RHOU: variants seen among roughly 807,000 people sequenced by gnomAD.
The protein encoded by RHOU is ras homolog family member U.
In RHOU, 8 loss-of-function variants were observed where a neutral mutation model predicts 12.6. The ratio of observed to expected loss-of-function variants is 0.64; its 90% confidence interval spans 0.37 to 1.15. The LOEUF is 1.15. Ranked by LOEUF, RHOU falls within the 50% of genes most tolerant of loss-of-function variation. The probability of loss-of-function intolerance (pLI) is 0.01; values close to 1 mark genes in which losing one functional copy is unlikely to be tolerated. For synonymous variants in RHOU, 161 were observed against 147.4 expected (o/e 1.09, Z -0.67); for missense variants, 258 against 347.0 (o/e 0.74, Z 2.04).
At chr1:228,712,970 T>C in the RHOU span, among the ~76,000 whole-genome samples, 4 of 151,968 alleles carry the variant, frequency 2.6e-5, no homozygotes, top group East Asian at 5.8e-4. Flanking sequence ...ACTATATATA[T>C]ATAAAGGTAT....
chr1:228,718,363 C>G, the RHOU span, among the ~76,000 whole-genome samples: 4 of 152,102 alleles, frequency 2.6e-5, no homozygotes, highest in African/African-American at 9.7e-5. Flanking sequence ...TTATCTATTG[C>G]CACCTAAAAA....
chr1:228,660,882 G>A, the RHOU span, among the ~76,000 whole-genome samples: 4 of 146,888 alleles, frequency 2.7e-5, no homozygotes, highest in East Asian at 6.1e-4. Context: ...GCGGTGAGCT[G>A]ATATTGCACC....
At chr1:228,665,572 A>T in the RHOU span, among the ~76,000 whole-genome samples, 1 of 152,160 alleles carries the variant, frequency 6.6e-6, no homozygotes, top group South Asian at 2.1e-4. Context: ...CTTTGAGTGG[A>T]GTGGGGACAG....
At chr1:228,701,559 A>G in the RHOU span, among the ~76,000 whole-genome samples, 1 of 152,122 alleles carries the variant, frequency 6.6e-6, no homozygotes, top group Non-Finnish European at 1.5e-5. Flanking sequence ...TGAATTATCA[A>G]TATTAAAGCT....
chr1:228,707,249 ATATATAGTGTGTGTGT>A, the RHOU span, among the ~76,000 whole-genome samples: 190 of 94,704 alleles, frequency 2.0e-3, 1 homozygote, highest in East Asian at 6.6e-3. Context: ...ATATATATAT[ATATATAGTGTGTGTGT>A]GTGTGTGTGT....
chr1:228,710,603 T>C, the RHOU span, among the ~76,000 whole-genome samples: 1 of 152,110 alleles, frequency 6.6e-6, no homozygotes, highest in Non-Finnish European at 1.5e-5. Context: ...TTTGACAAAA[T>C]TCAACAACCC....
At chr1:228,686,835 G>C in the RHOU span, among the ~76,000 whole-genome samples, 4 of 152,064 alleles carry the variant, frequency 2.6e-5, no homozygotes, top group African/African-American at 9.7e-5. Context: ...CCGCTTCCAG[G>C]GTTCAAGTGA....
At chr1:228,648,205 C>T in the RHOU span, among the ~76,000 whole-genome samples, 22 of 152,368 alleles carry the variant, frequency 1.4e-4, no homozygotes, top group African/African-American at 5.0e-4. Flanking sequence ...TGCCCGCCGC[C>T]TTGCGCCTTC....
At chr1:228,728,773 A>G in the RHOU span, among the ~76,000 whole-genome samples, 1 of 152,128 alleles carries the variant, frequency 6.6e-6, no homozygotes, top group African/African-American at 2.4e-5. Context: ...TAAAACCACC[A>G]CTCAGATCAA....
rs2102714523 is a variant in RHOU, at chr1:228,735,673, C to A, written c.-70C>A. 1.7e-6 allele frequency: 2 copies of A among 1,151,672 alleles called. No individual in the cohort carries two copies. Among genetic ancestry groups the A allele is most frequent in the Admixed American group, 4.6e-5 (1 of 21,652 alleles). 71.3% of individuals were successfully genotyped at this position (1,151,672 alleles called of 1,614,324 possible). On this transcript the variant is annotated 5_prime_UTR_variant, in exon 1 of 3. Transcript: ENST00000366691. The surrounding 1 kb of genome is among the most constrained non-coding windows in gnomAD (Gnocchi z 8.1). ...GGTGACAGCTCCTCCCTACCGCAAC[C>A]CTCCGGGGCGGAGGGGCGGTCGGGC...
chr1:228,688,493 G>A, the RHOU span, among the ~76,000 whole-genome samples: 27 of 152,198 alleles, frequency 1.8e-4, no homozygotes, highest in Admixed American at 1.7e-3. Context: ...CCTTAGCATC[G>A]TGCTCTATTA....
chr1:228,729,068 A>G, the RHOU span, among the ~76,000 whole-genome samples: 2 of 151,878 alleles, frequency 1.3e-5, no homozygotes, highest in East Asian at 1.9e-4. Context: ...GCTAATTTTT[A>G]TATTTTCAGT....
chr1:228,707,127 C>CACATACACATATAT, the RHOU span, among the ~76,000 whole-genome samples: 1 of 76,810 alleles, frequency 1.3e-5, no homozygotes, highest in African/African-American at 6.4e-5. Flanking sequence ...TATATATATA[C>CACATACACATATAT]ATATATATAT....
At chr1:228,721,585 G>A in the RHOU span, among the ~76,000 whole-genome samples, 1 of 152,186 alleles carries the variant, frequency 6.6e-6, no homozygotes, top group Non-Finnish European at 1.5e-5. Flanking sequence ...TGGGTGTGCT[G>A]GACAAAGAAA....
the RHOU span, chr1:228,687,507 G>C: frequency 6.3e-7 from 1 of 1,582,362 alleles, no homozygotes; most frequent in Non-Finnish European, 8.6e-7. Flanking sequence ...GAACCAACGA[G>C]GTGGCCGAAT....
Position 228,738,804 on chromosome 1 carries a change from C to A in RHOU, c.321+1073C>A, listed in dbSNP as rs1036180586. On this transcript the variant is annotated intron_variant, in intron 2 of 2. Transcript: ENST00000366691. This position sits in a 1 kb window ranked among gnomAD's most constrained non-coding sequence, Gnocchi z 4.2. Reference sequence around the variant, plus strand: ...TTGGGAGCACTTCAGCTTGGAAAAACCAAGCACTGTCCGTATTGTATTGTC... The same window carrying A: ...TTGGGAGCACTTCAGCTTGGAAAAAACAAGCACTGTCCGTATTGTATTGTC... 6.6e-6 allele frequency among the ~76,000 whole-genome samples: 1 copy of A among 152,190 alleles called. No individual in the cohort carries two copies. Among genetic ancestry groups the A allele is most frequent in the African/African-American group, 2.4e-5 (1 of 41,422 alleles).
chr1:228,706,119 C>T, the RHOU span, among the ~76,000 whole-genome samples: 4 of 152,134 alleles, frequency 2.6e-5, no homozygotes, highest in Non-Finnish European at 5.9e-5. Flanking sequence ...ACTTCAGAAT[C>T]TGAGAGAGAA....
chr1:228,655,734 G>A, the RHOU span, among the ~76,000 whole-genome samples: 9 of 152,224 alleles, frequency 5.9e-5, no homozygotes, highest in Non-Finnish European at 1.5e-5. Context: ...ACTACAGTAC[G>A]ATTGGTTAGT....
At chr1:228,659,447 A>G in the RHOU span, among the ~76,000 whole-genome samples, 1 of 152,112 alleles carries the variant, frequency 6.6e-6, no homozygotes, top group African/African-American at 2.4e-5. Context: ...TTTACAATTT[A>G]GGCAACTAGA....
Sources: gnomAD v4.1 joint callset for allele counts (sites outside exome capture counted in the v4.1 genomes callset) on GRCh38, gnomAD v4.1.1 for gene constraint, Gnocchi (gnomAD v3.1) non-coding constraint, MANE v1.5 for transcripts, NCBI Gene and HGNC (gene_info 2026-07-23, HGNC 2026-07-21) for gene names.